OFD1: variants seen among roughly 807,000 people sequenced by gnomAD.
OFD1 encodes centriole and centriolar satellite protein OFD1.
OFD1 carries 12 observed loss-of-function variants against 81.4 expected under a neutral mutation model. That is an observed-to-expected ratio of 0.15 (90% CI 0.09 to 0.24). OFD1 has a LOEUF of 0.24. Ranked by LOEUF, OFD1 falls within the 10% of genes least tolerant of loss-of-function variation. OFD1 has a pLI of 1.00. For missense variants in OFD1, 685 were observed against 733.9 expected (o/e 0.93, Z 0.77); for synonymous variants, 256 against 263.7 (o/e 0.97, Z 0.28).
chrX:13,765,192 G>A (rs1443014711), intron 19 of OFD1, among the ~76,000 whole-genome samples: 1 of 110,156 alleles, frequency 9.1e-6, no homozygotes, highest in Non-Finnish European at 1.9e-5. Context: ...GGCACAAAGG[G>A]AATTCAAAAA....
chrX:13,719,013 C>T, the OFD1 span, among the ~76,000 whole-genome samples: 1 of 110,374 alleles, frequency 9.1e-6, no homozygotes, highest in Non-Finnish European at 1.9e-5. Flanking sequence ...AAAAATTAGC[C>T]TGGCACAGTG....
chrX:13,734,582 G>A, upstream of OFD1: 1 of 590,235 alleles, frequency 1.7e-6, no homozygotes, highest in Non-Finnish European at 2.2e-6. Flanking sequence ...AGAGACCCGC[G>A]CCCCGAACCT....
intron 19 of OFD1, 137 bp downstream of exon 19, chrX:13,763,992 A>G: frequency 1.9e-6 from 1 of 521,843 alleles, no homozygotes; most frequent in East Asian, 3.6e-5. Context: ...TGGGGGTTAT[A>G]GGTGTCATTA....
chrX:13,739,062 C>G (rs778637539), intron 5 of OFD1, 30 bp downstream of exon 5: 22 of 1,168,590 alleles, frequency 1.9e-5, no homozygotes, highest in Non-Finnish European at 2.6e-5. Context: ...TAGAGAACAG[C>G]AACAGTTTTC....
In OFD1 at chrX:13,751,278, A is replaced by G. The variant is rs761035370; in HGVS notation, c.965A>G (p.Lys322Arg). The change falls in exon 10 of 23, where the codon AAA (lysine) becomes AGA (arginine). Residue 322 changes from lysine to arginine, a missense_variant. Lys to Arg is a conservative substitution (Grantham distance 26). Coordinates refer to ENST00000340096, the MANE Select transcript of OFD1 (RefSeq NM_003611.3). ...LNQKLQEEKH[K>R]SITEALRRQE... ...CAGAAGCTCCAGGAAGAAAAACATA[A>G]AAGCATAACTGAGGCACTTAGGAGA... 29 of 1,205,859 alleles carry G rather than the reference A, an allele frequency of 2.4e-5. No homozygotes were observed.
At chrX:13,731,117 G>A (rs1261776886), upstream of OFD1, among the ~76,000 whole-genome samples, 1 of 111,992 alleles carries the variant, frequency 8.9e-6, no homozygotes, top group African/African-American at 3.3e-5. Context: ...AAGTCATCAG[G>A]TCCTGACAAA....
At chrX:13,772,808 C>G, downstream of OFD1, 2 of 1,011,456 alleles carry the variant, frequency 2.0e-6, no homozygotes, top group South Asian at 4.3e-5. Context: ...GGATACACAT[C>G]TGTACTGCAG....
chrX:13,716,286 T>A, the OFD1 span: 4 of 578,341 alleles, frequency 6.9e-6, no homozygotes, highest in Non-Finnish European at 1.1e-5. Context: ...AACTGTAAAA[T>A]AAAGTAAAAT....
chrX:13,767,559 G>C (rs754780505), intron 20 of OFD1, among the ~76,000 whole-genome samples: 2 of 112,333 alleles, frequency 1.8e-5, no homozygotes, highest in African/African-American at 3.2e-5. Flanking sequence ...AAGGTAGACT[G>C]TGCTTTGCTG....
chrX:13,737,377 GT>G (rs34938110), intron 3 of OFD1, among the ~76,000 whole-genome samples: 36,277 of 97,541 alleles, frequency 0.37, 5,832 homozygotes, highest in African/African-American at 0.55. Flanking sequence ...ATATGTGCGT[GT>G]TTTTTTTTTT....
At chrX:13,760,949 GGA>G in intron 16 of OFD1, 134 bp from the exon 17 acceptor site, 8 of 860,601 alleles carry the variant, frequency 9.3e-6, no homozygotes, top group Non-Finnish European at 1.4e-5. Context: ...TTAGTTTTCT[GGA>G]TCTTATGCAT....
intron 8 of OFD1, among the ~76,000 whole-genome samples, chrX:13,748,656 C>T (rs1440906531): frequency 2.7e-5 from 3 of 111,785 alleles, no homozygotes; most frequent in Non-Finnish European, 3.8e-5. Context: ...AAGGATGGCC[C>T]ATTCTTTTAG....
chrX:13,717,034 T>TAAAAA, the OFD1 span, among the ~76,000 whole-genome samples: 36 of 37,935 alleles, frequency 9.5e-4, no homozygotes, highest in Non-Finnish European at 1.2e-3. Context: ...GATACTATGT[T>TAAAAA]AAAAAAAAAA....
intron 13 of OFD1, among the ~76,000 whole-genome samples, chrX:13,757,025 C>T (rs985671795): frequency 4.5e-5 from 5 of 111,597 alleles, no homozygotes; most frequent in Non-Finnish European, 7.5e-5. Flanking sequence ...GCCACTGTGC[C>T]TCATGGCCAA....
chrX:13,773,442 T>C (rs2048340436), downstream of OFD1: 1 of 115,017 alleles, frequency 8.7e-6, no homozygotes, highest in African/African-American at 3.3e-5. Context: ...TAAAAATCAA[T>C]TCCCCCAAAG....
chrX:13,731,962 G>T (rs1219724340), upstream of OFD1, among the ~76,000 whole-genome samples: 1 of 112,092 alleles, frequency 8.9e-6, no homozygotes, highest in Non-Finnish European at 1.9e-5. Flanking sequence ...AAGAGGATAA[G>T]AAAGCAAGCC....
the OFD1 span, chrX:13,716,123 T>A: frequency 2.6e-6 from 3 of 1,156,274 alleles, no homozygotes; most frequent in Admixed American, 7.5e-5. Context: ...TTCTTAGAAA[T>A]GAAAAACAAA....
At chrX:13,717,034 TAAAA>T in the OFD1 span, among the ~76,000 whole-genome samples, 7,594 of 37,209 alleles carry the variant, frequency 0.2, 159 homozygotes, top group Admixed American at 0.32. Flanking sequence ...GATACTATGT[TAAAA>T]AAAAAAAAAA....
chrX:13,724,617 C>T, the OFD1 span, among the ~76,000 whole-genome samples: 5 of 111,556 alleles, frequency 4.5e-5, no homozygotes, highest in Non-Finnish European at 9.4e-5. Flanking sequence ...ATTAAGAAAA[C>T]GTCTAGGGAT....
Sources: allele counts gnomAD v4.1 joint callset (sites outside exome capture counted in the v4.1 genomes callset), GRCh38; gene constraint gnomAD v4.1.1; transcripts MANE v1.5; gene names NCBI Gene and HGNC (gene_info 2026-07-23, HGNC 2026-07-21).